COL12A1: variants seen among roughly 807,000 people sequenced by gnomAD.
COL12A1 encodes the protein collagen type XII alpha 1 chain.
In COL12A1, 114 loss-of-function variants were observed where a neutral mutation model predicts 349.7. The observed-to-expected ratio is 0.33, with a 90% CI of 0.28 to 0.38. COL12A1 has a LOEUF of 0.38. Ranked by LOEUF, COL12A1 falls within the 10% of genes least tolerant of loss-of-function variation. The pLI, the probability that COL12A1 is intolerant of heterozygous loss-of-function variation, is 1.00. For synonymous variants in COL12A1, 1,369 were observed against 1,329.0 expected, an observed-to-expected ratio of 1.03 and a Z score of -0.66; for missense variants, 3,284 against 3,756.9, an observed-to-expected ratio of 0.87 and a Z score of 3.29.
intron 11 of COL12A1, among the ~76,000 whole-genome samples, chr6:75,180,514 C>T (rs1245934935): frequency 6.6e-6 from 1 of 151,380 alleles, no homozygotes; most frequent in African/African-American, 2.4e-5. Context: ...GTATATTTTA[C>T]CACAACTTTT....
At position 75,091,337 on chromosome 6, in the gene COL12A1, T is replaced by C. The variant is rs1562093216; in HGVS notation, c.8738A>G (p.Glu2913Gly). Residue 2913 changes from glutamate to glycine, a missense_variant, in exon 62 of 66, where the codon GAA becomes GGA. Physicochemically the swap from Glu to Gly is moderately conservative, Grantham distance 98. Around this residue, in one of 2 missense-constraint regions of COL12A1, gnomAD observed 683 missense variants for 932.1 expected, o/e 0.73. Coordinates refer to ENST00000322507, the MANE Select transcript of COL12A1 (RefSeq NM_004370.6). The stretch of plus-strand genomic sequence containing the variant: ...AGAAATTTTACCACTTATCAATTGT[T>C]CACAGACTTGTCTTGCAACTGCTCG... ...MMRAVARQVC[E>G]QLISGQMNRF... 10 of 1,613,436 alleles carry C rather than the reference T, an allele frequency of 6.2e-6. No homozygotes were observed. The highest frequency in any genetic ancestry group is 8.5e-6 in the Non-Finnish European group (10 of 1,179,868).
intron 57 of COL12A1, 23 bp from the exon 58 acceptor site, chr6:75,101,676 G>A (rs770741070): frequency 6.8e-6 from 11 of 1,609,012 alleles, no homozygotes; most frequent in Middle Eastern, 1.7e-4. Context: ...AAACAAACAA[G>A]TGAAACATTA....
Position 75,084,849 on chromosome 6 carries a change from A to C in COL12A1, c.*1698T>G, listed in dbSNP as rs916146515. 3 of 158,600 alleles carry C rather than the reference A, an allele frequency of 1.9e-5. No individual in the cohort carries two copies. The highest frequency in any genetic ancestry group is 4.8e-5 in the African/African-American group (2 of 41,652). 9.8% of individuals were successfully genotyped at this position (158,600 alleles called of 1,614,324 possible). ...AAGATAAACTGCCCGCTCGAAATAC[A>C]CAGCAGCTCTGGGTTCCAGGACTTA... is the stretch of plus-strand genomic sequence containing the variant. On this transcript the variant is annotated 3_prime_UTR_variant, in exon 66 of 66. Coordinates refer to ENST00000322507, the MANE Select transcript of COL12A1 (RefSeq NM_004370.6).
rs1472061678 is a variant in COL12A1 at position 75,199,384 on chromosome 6, T to C, written c.73+3336A>G. Among the ~76,000 whole-genome samples, 13 of 152,148 alleles carry C rather than the reference T, an allele frequency of 8.5e-5. No homozygotes were observed. In the East Asian group the frequency reaches 1.7e-3, roughly 20 times the overall value. The stretch of plus-strand genomic sequence containing the variant: ...CAAATTAGACATAGGATTATAAAAA[T>C]ATATACAAATTAGTCTCAACCTAGA... On this transcript the variant is annotated intron_variant, in intron 2 of 65. Coordinates refer to ENST00000322507, the MANE Select transcript of COL12A1 (RefSeq NM_004370.6).
At chr6:75,193,886 T>C (rs892522186) in intron 3 of COL12A1, among the ~76,000 whole-genome samples, 4 of 152,288 alleles carry the variant, frequency 2.6e-5, no homozygotes, top group Admixed American at 2.0e-4. Flanking sequence ...TTCATCCATG[T>C]CCCTATAAAT....
At position 75,123,927 on chromosome 6, in the gene COL12A1, C is replaced by T. The variant is rs374676583; in HGVS notation, c.6871+21G>A. On this transcript the variant is annotated intron_variant, in intron 42 of 65. Transcript: ENST00000322507. ...TATTCTAAAGCCTTATGAAAGCTTT[C>T]CAGATTCCTCAAAAACTTACTGGTA... 1.1e-5 allele frequency: 17 copies of T among 1,593,994 alleles called. No individual in the cohort carries two copies. The African/African-American group carries it at 2.2e-4, about 20-fold the overall frequency.
chr6:75,165,430 T>G, intron 14 of COL12A1, 77 bp downstream of exon 14: 1 of 1,506,898 alleles, frequency 6.6e-7, no homozygotes, highest in African/African-American at 1.4e-5. Flanking sequence ...TTCAAGTGAT[T>G]AAACTGCATG....
intron 13 of COL12A1, among the ~76,000 whole-genome samples, chr6:75,167,300 G>A (rs531624357): frequency 6.6e-6 from 1 of 152,144 alleles, no homozygotes; most frequent in East Asian, 1.9e-4. Context: ...TAAATGTACA[G>A]CACGTTTTTC....
chr6:75,135,160 G>A (rs1385794164), intron 31 of COL12A1, among the ~76,000 whole-genome samples: 1 of 151,724 alleles, frequency 6.6e-6, no homozygotes, highest in East Asian at 1.9e-4. Flanking sequence ...AAAAAAAAGG[G>A]GGCGGGGGGG....
chr6:75,138,610 C>G (rs764660609), intron 28 of COL12A1, 30 bp from the exon 29 acceptor site: 2 of 1,608,950 alleles, frequency 1.2e-6, no homozygotes, highest in Admixed American at 1.7e-5. Flanking sequence ...AACATACCCA[C>G]GCAAAAGTAA....
intron 65 of COL12A1, chr6:75,087,164 C>G: frequency 1.1e-5 from 2 of 187,514 alleles, no homozygotes; most frequent in Admixed American, 5.8e-5. Flanking sequence ...CAGTTGTCTA[C>G]ACCATATTAT....
intron 13 of COL12A1, among the ~76,000 whole-genome samples, chr6:75,171,659 GA>G (rs1768639851): frequency 6.6e-6 from 1 of 152,126 alleles, no homozygotes; most frequent in Non-Finnish European, 1.5e-5. Context: ...AAACAAATTA[GA>G]AAAACAGCAG....
intron 14 of COL12A1, among the ~76,000 whole-genome samples, chr6:75,158,137 T>G (rs1767851885): frequency 6.6e-6 from 1 of 152,182 alleles, no homozygotes. Context: ...ACTTGTATCA[T>G]GGATTGAAGG....
rs371510068 is a variant in COL12A1 at position 75,133,844 on chromosome 6, C to A, written c.5664+14G>T. 12 of 1,612,840 alleles carry A rather than the reference C, an allele frequency of 7.4e-6. No individual in the cohort carries two copies. In the East Asian group the frequency reaches 1.3e-4, roughly 18 times the overall value. ...TTAAACAAACTAGCATTTTTTACTA[C>A]AAGAAATAATTACCAGTTCCTCTGG... On this transcript the variant is annotated intron_variant, in intron 33 of 65. Transcript: ENST00000322507.
At chr6:75,195,811 T>C (rs1363310380) in intron 2 of COL12A1, among the ~76,000 whole-genome samples, 2 of 152,120 alleles carry the variant, frequency 1.3e-5, no homozygotes, top group East Asian at 1.9e-4. Flanking sequence ...TACAAAACAA[T>C]GGTTAATTAT....
Position 75,137,471 on chromosome 6 carries a change from T to A in COL12A1, c.5360A>T (p.Tyr1787Phe). Reference protein sequence around the residue: ...SGRVQKYRITYQPSTGEGNEQ... With the variant: ...SGRVQKYRITFQPSTGEGNEQ... Reference sequence around the variant, plus strand: ...ATTGCCTTCCCCTGTGGAAGGCTGATAAGTGATCCTATATTTCTGCACACG... The same window carrying A: ...ATTGCCTTCCCCTGTGGAAGGCTGAAAAGTGATCCTATATTTCTGCACACG... The change falls in exon 31 of 66, where the codon TAT (tyrosine) becomes TTT (phenylalanine). Residue 1787 changes from tyrosine to phenylalanine, a missense_variant. This residue lies in a region of COL12A1 where 2,601 missense variants were observed against 2,824.8 expected (regional missense o/e 0.92). Coordinates refer to ENST00000322507, the MANE Select transcript of COL12A1 (RefSeq NM_004370.6). 6.2e-7 allele frequency: 1 copy of A among 1,613,410 alleles called. No homozygotes were observed. Among genetic ancestry groups the A allele is most frequent in the East Asian group, 2.2e-5 (1 of 44,792 alleles).
At chr6:75,094,486 T>C (rs1767914948) in intron 60 of COL12A1, among the ~76,000 whole-genome samples, 1 of 152,240 alleles carries the variant, frequency 6.6e-6, no homozygotes, top group African/African-American at 2.4e-5. Flanking sequence ...AATTCAGTTT[T>C]GGAGATACTA....
At chr6:75,178,270 G>T (rs1454011177) in intron 11 of COL12A1, among the ~76,000 whole-genome samples, 1 of 152,038 alleles carries the variant, frequency 6.6e-6, no homozygotes, top group African/African-American at 2.4e-5. Context: ...ATAAAAACAA[G>T]TCATTTCTTT....
chr6:75,189,252 T>C lies in COL12A1; in HGVS notation c.788A>G (p.Glu263Gly). 5.6e-6 allele frequency: 9 copies of C among 1,613,014 alleles called. No homozygotes were observed. The highest frequency in any genetic ancestry group is 7.6e-6 in the Non-Finnish European group (9 of 1,179,384). The change falls in exon 7 of 66, where the codon GAG becomes GGG. Residue 263 changes from glutamate (E) to glycine (G), a missense_variant. By Grantham distance (98) the Glu-to-Gly change is moderately conservative (BLOSUM62 -2). Coordinates refer to ENST00000322507, the MANE Select transcript of COL12A1 (RefSeq NM_004370.6). ...AACTTCAACTCCAACATTACGAAGCTCTCTTGCTGGAATTTCCACTTCATC... is the reference window on the plus strand; with the variant it reads ...AACTTCAACTCCAACATTACGAAGCCCTCTTGCTGGAATTTCCACTTCATC... ...SQDEVEIPARELRNVGVEVFS... is the reference protein window; with the variant it reads ...SQDEVEIPARGLRNVGVEVFS...
Sources: allele counts gnomAD v4.1 joint callset (sites outside exome capture counted in the v4.1 genomes callset), GRCh38; gene constraint gnomAD v4.1.1; regional missense constraint gnomAD v4.1.1; transcripts MANE v1.5; gene names NCBI Gene and HGNC (gene_info 2026-07-23, HGNC 2026-07-21).